The following IFT122 variants were observed in gnomAD, a reference collection of about 807,000 sequenced individuals.
IFT122 encodes the protein intraflagellar transport 122, also known as intraflagellar transport protein 122 homolog.
In IFT122, 118 loss-of-function variants were observed where a neutral mutation model predicts 161.6. That is an observed-to-expected ratio of 0.73 (90% CI 0.63 to 0.85). IFT122 has a LOEUF of 0.85. Ranked by LOEUF, IFT122 falls within the 40% of genes least tolerant of loss-of-function variation. The probability of loss-of-function intolerance (pLI) is 0.00; values close to 1 mark genes in which losing one functional copy is unlikely to be tolerated. For synonymous variants in IFT122, 550 were observed against 602.4 expected, an observed-to-expected ratio of 0.91 and a Z score of 1.27; for missense variants, 1,381 against 1,579.6, an observed-to-expected ratio of 0.87 and a Z score of 2.13.
intron 8 of IFT122, among the ~76,000 whole-genome samples, chr3:129,467,622 C>G (rs1205731248): frequency 6.6e-6 from 1 of 152,148 alleles, no homozygotes; most frequent in African/African-American, 2.4e-5. Flanking sequence ...AAGCCCTTAC[C>G]TTAGCCACAG....
intron 1 of IFT122, among the ~76,000 whole-genome samples, chr3:129,441,711 GT>G (rs1484616374): frequency 9.9e-5 from 15 of 152,090 alleles, no homozygotes; most frequent in African/African-American, 3.4e-4. Flanking sequence ...ACTAGGAATT[GT>G]ATGTTTTCCC....
chr3:129,452,758 TA>T (rs2075001806), intron 3 of IFT122, among the ~76,000 whole-genome samples: 1 of 152,192 alleles, frequency 6.6e-6, no homozygotes, highest in Non-Finnish European at 1.5e-5. Context: ...ATTTGTATTT[TA>T]AAAGGATCCC....
At position 129,517,523 on chromosome 3, in the gene IFT122, C is replaced by T; in HGVS notation, c.3320C>T (p.Ala1107Val). 1.9e-6 allele frequency: 3 copies of T among 1,613,946 alleles called. No individual in the cohort carries two copies. The highest frequency in any genetic ancestry group is 2.5e-6 in the Non-Finnish European group (3 of 1,179,868). The change falls in exon 27 of 30, where the codon GCC becomes GTC. Residue 1107 changes from alanine to valine, a missense_variant. Physicochemically the swap from Ala to Val is moderately conservative, Grantham distance 64. This residue lies in a region of IFT122 where 177 missense variants were observed against 199.2 expected (regional missense o/e 0.89). Coordinates refer to ENST00000348417, the MANE Select transcript of IFT122 (RefSeq NM_052989.3). Reference protein sequence around the residue: ...YLEEGITDEEAISLIDLEVLR... With the variant: ...YLEEGITDEEVISLIDLEVLR... Reference sequence around the variant, plus strand: ...GAGGAAGGGATCACTGATGAAGAAGCCATCTCCCTCATCGACCTGGAGGTG... The same window carrying T: ...GAGGAAGGGATCACTGATGAAGAAGTCATCTCCCTCATCGACCTGGAGGTG...
At chr3:129,466,020 G>A (rs2076735162) in intron 7 of IFT122, among the ~76,000 whole-genome samples, 2 of 152,062 alleles carry the variant, frequency 1.3e-5, no homozygotes, top group Non-Finnish European at 2.9e-5. Context: ...TGTTGGCCAG[G>A]CTGGTCTTGA....
Position 129,466,899 on chromosome 3 carries a change from G to A in IFT122, c.573G>A (p.Glu191=). Residue 191 remains glutamate (E), a synonymous_variant, in exon 8 of 30, where the codon GAG becomes GAA. Coordinates refer to ENST00000348417, the MANE Select transcript of IFT122 (RefSeq NM_052989.3). Reference sequence around the variant, plus strand: ...TACTTACTGTCTACAGCCGATGGGAGAGTTTCTGGATGAACAGAGAGAATG... The same window carrying A: ...TACTTACTGTCTACAGCCGATGGGAAAGTTTCTGGATGAACAGAGAGAATG... ...SICWNPSSRW[E]SFWMNRENED... The A allele has an allele frequency of 1.2e-6, 2 of 1,614,100 alleles. No homozygotes were observed. The highest frequency in any genetic ancestry group is 2.7e-5 in the African/African-American group (2 of 75,074).
At chr3:129,491,855 G>A (rs2080141865) in intron 16 of IFT122, among the ~76,000 whole-genome samples, 3 of 152,194 alleles carry the variant, frequency 2.0e-5, no homozygotes, top group African/African-American at 7.2e-5. Context: ...TCCCAAGGAG[G>A]CACCGCCACA....
chr3:129,464,599 C>T (rs1577404331), intron 6 of IFT122, 36 bp from the exon 7 acceptor site: 2 of 1,613,954 alleles, frequency 1.2e-6, no homozygotes, highest in Non-Finnish European at 1.7e-6. Flanking sequence ...GGGGTGCTTC[C>T]CCTATCCCCA....
chr3:129,516,190 G>A (rs1158508130), intron 26 of IFT122, among the ~76,000 whole-genome samples: 8 of 109,128 alleles, frequency 7.3e-5, no homozygotes, highest in South Asian at 3.2e-4. Context: ...CACAGAAACC[G>A]CCCCTGCACA....
intron 17 of IFT122, among the ~76,000 whole-genome samples, chr3:129,494,476 C>T (rs2080585284): frequency 6.6e-6 from 1 of 152,154 alleles, no homozygotes; most frequent in South Asian, 2.1e-4. Flanking sequence ...AGCATGTTGC[C>T]TCCAGCTGTT....
intron 16 of IFT122, among the ~76,000 whole-genome samples, chr3:129,491,169 T>G (rs1487196117): frequency 6.6e-6 from 1 of 152,216 alleles, no homozygotes; most frequent in Non-Finnish European, 1.5e-5. Flanking sequence ...TGTGGTCACC[T>G]GCAAGGCAGG....
intron 1 of IFT122, among the ~76,000 whole-genome samples, chr3:129,444,643 T>C (rs1045921325): frequency 6.6e-6 from 1 of 152,060 alleles, no homozygotes; most frequent in Non-Finnish European, 1.5e-5. Context: ...TGCCTCAGCC[T>C]CCCGAGTAGG....
At position 129,476,722 on chromosome 3, in the gene IFT122, T is replaced by C; in HGVS notation, c.1068T>C (p.His356=). Reference sequence around the variant, plus strand: ...ACCAGCTTATTTTCAGCACAGTCCATGGGCTTTACAAGGACCGCTATGCCT... The same window carrying C: ...ACCAGCTTATTTTCAGCACAGTCCACGGGCTTTACAAGGACCGCTATGCCT... ...SFYQLIFSTV[H]GLYKDRYAYR... Residue 356 remains histidine (H), a synonymous_variant, in exon 11 of 30, where the codon CAT becomes CAC. Coordinates refer to ENST00000348417, the MANE Select transcript of IFT122 (RefSeq NM_052989.3). The C allele has an allele frequency of 3.1e-6, 5 of 1,614,166 alleles. No individual in the cohort carries two copies. The highest frequency in any genetic ancestry group is 1.6e-4 in the Middle Eastern group (1 of 6,062).
Position 129,495,580 on chromosome 3 carries a change from C to T in IFT122, c.2181C>T (p.Thr727=), listed in dbSNP as rs545131069. ...GHENLALEMY[T]DLCMFEYAKD... is the part of the protein sequence containing the mutation. Reference sequence around the variant, plus strand: ...AGAACCTCGCGCTTGAAATGTACACCGACCTCTGCATGTTTGAGTATGCCA... The same window carrying T: ...AGAACCTCGCGCTTGAAATGTACACTGACCTCTGCATGTTTGAGTATGCCA... The change falls in exon 18 of 30, where the codon ACC becomes ACT. Residue 727 remains threonine (T), a synonymous_variant. Coordinates refer to ENST00000348417, the MANE Select transcript of IFT122 (RefSeq NM_052989.3). 1.5e-5 allele frequency: 25 copies of T among 1,614,158 alleles called. No individual in the cohort carries two copies. The East Asian group carries it at 2.2e-4, about 14-fold the overall frequency.
At chr3:129,498,570 C>A (rs2081167064) in intron 18 of IFT122, among the ~76,000 whole-genome samples, 1 of 152,188 alleles carries the variant, frequency 6.6e-6, no homozygotes, top group South Asian at 2.1e-4. Flanking sequence ...ATACAATGCG[C>A]TTTCCTCCCC....
intron 9 of IFT122, chr3:129,476,037 C>A (rs1024594995): frequency 6.1e-6 from 3 of 494,848 alleles, no homozygotes; most frequent in African/African-American, 5.8e-5. Context: ...GGCGGAGGAG[C>A]CCTGACACAC....
chr3:129,474,455 G>A (rs1462441729), intron 9 of IFT122, among the ~76,000 whole-genome samples: 1 of 152,168 alleles, frequency 6.6e-6, no homozygotes, highest in Non-Finnish European at 1.5e-5. Flanking sequence ...CTTTAGTGGG[G>A]CAGACCTGAT....
chr3:129,475,239 C>T (rs1031367820), intron 9 of IFT122, among the ~76,000 whole-genome samples: 9 of 152,148 alleles, frequency 5.9e-5, no homozygotes, highest in Non-Finnish European at 1.3e-4. Context: ...TGAGATAATT[C>T]GCACTCACTA....
intron 17 of IFT122, among the ~76,000 whole-genome samples, chr3:129,492,807 TTTTTTTTTC>T (rs1176134979): frequency 6.8e-6 from 1 of 146,396 alleles, no homozygotes; most frequent in East Asian, 2.1e-4. Flanking sequence ...AACACTATGC[TTTTTTTTTC>T]TTTTTTTTTT....
chr3:129,475,481 G>A (rs1264577001), intron 9 of IFT122, among the ~76,000 whole-genome samples: 3 of 152,108 alleles, frequency 2.0e-5, no homozygotes, highest in East Asian at 3.8e-4. Context: ...GAGAAACACC[G>A]TCTCTGCAAA....
Sources: gnomAD v4.1 joint callset for allele counts (sites outside exome capture counted in the v4.1 genomes callset) on GRCh38, gnomAD v4.1.1 for gene constraint, gnomAD v4.1.1 regional missense constraint, MANE v1.5 for transcripts, NCBI Gene and HGNC (gene_info 2026-07-23, HGNC 2026-07-21) for gene names.